Variants in BABAM2 observed in about 807,000 individuals in gnomAD.
BABAM2 encodes the protein BRISC and BRCA1 A complex member 2.
In BABAM2, 31 loss-of-function variants were observed where a neutral mutation model predicts 54.7. That is an observed-to-expected ratio of 0.57 (90% CI 0.43 to 0.77). BABAM2 has a LOEUF of 0.77. Ranked by LOEUF, BABAM2 falls within the 30% of genes least tolerant of loss-of-function variation. The probability of loss-of-function intolerance (pLI) is 0.00; values close to 1 mark genes in which losing one functional copy is unlikely to be tolerated. For missense variants in BABAM2, 364 were observed against 455.8 expected, an observed-to-expected ratio of 0.80 and a Z score of 1.83; for synonymous variants, 167 against 162.9, an observed-to-expected ratio of 1.03 and a Z score of -0.19.
chr2:28,126,771 G>A (rs538553338), intron 6 of BABAM2, among the ~76,000 whole-genome samples: 15 of 148,582 alleles, frequency 1.0e-4, no homozygotes, highest in Admixed American at 4.1e-4. Flanking sequence ...CAGTGTAAAA[G>A]TGTTCCTATT....
chr2:28,327,486 A>G (rs1000214680), intron 11 of BABAM2: 10 of 1,518,468 alleles, frequency 6.6e-6, no homozygotes, highest in Non-Finnish European at 8.0e-6. Flanking sequence ...AGCAGGAACC[A>G]GAATTCATCC....
intron 6 of BABAM2, among the ~76,000 whole-genome samples, chr2:28,047,096 T>G (rs1422593459): frequency 6.6e-6 from 1 of 152,232 alleles, no homozygotes; most frequent in Non-Finnish European, 1.5e-5. Context: ...ATTTTTGTAC[T>G]TCATTAAACT....
chr2:27,983,201 CTAA>C (rs1672148413), intron 3 of BABAM2, among the ~76,000 whole-genome samples: 1 of 152,062 alleles, frequency 6.6e-6, no homozygotes, highest in Admixed American at 6.6e-5. Flanking sequence ...AGTAGCTCTT[CTAA>C]TGAGTGTGAG....
At chr2:28,108,794 G>A (rs1041326884) in intron 6 of BABAM2, among the ~76,000 whole-genome samples, 6 of 151,834 alleles carry the variant, frequency 4.0e-5, no homozygotes, top group Non-Finnish European at 7.4e-5. Context: ...AAGTGACAAA[G>A]AATTTTCAAA....
chr2:28,077,061 G>A (rs1349697734), intron 6 of BABAM2, among the ~76,000 whole-genome samples: 3 of 152,092 alleles, frequency 2.0e-5, no homozygotes, highest in Non-Finnish European at 4.4e-5. Context: ...ATTTTTAGAG[G>A]CTGACAGGCC....
At position 28,146,070 on chromosome 2, in the gene BABAM2, A is replaced by G. The variant is rs562774778; in HGVS notation, c.680+16690A>G. Among the ~76,000 whole-genome samples, 3 of 152,340 alleles carry G rather than the reference A, an allele frequency of 2.0e-5. No individual in the cohort carries two copies. In the East Asian group the frequency reaches 5.8e-4, roughly 29 times the overall value. ...TGTTAATAAGTTTTTGTGTAAACAC[A>G]TATTTTCAAATCCCTTAGGAGAAAT... On this transcript the variant is annotated intron_variant, in intron 7 of 11. Coordinates refer to ENST00000379624, the MANE Select transcript of BABAM2 (RefSeq NM_199191.3).
chr2:27,959,392 A>T (rs546836112), intron 3 of BABAM2, among the ~76,000 whole-genome samples: 1 of 152,334 alleles, frequency 6.6e-6, no homozygotes, highest in East Asian at 1.9e-4. Context: ...ATTACTGGAT[A>T]AAAGAACAGT....
At chr2:28,216,763 G>A (rs565940944) in intron 7 of BABAM2, among the ~76,000 whole-genome samples, 1 of 152,280 alleles carries the variant, frequency 6.6e-6, no homozygotes, top group African/African-American at 2.4e-5. Flanking sequence ...AAACCCTATC[G>A]TGGATGTAGA....
intron 2 of BABAM2, among the ~76,000 whole-genome samples, chr2:27,914,827 C>T (rs1274783954): frequency 6.6e-6 from 1 of 152,006 alleles, no homozygotes; most frequent in Non-Finnish European, 1.5e-5. Context: ...TAATATTACT[C>T]TGTACAGATA....
At chr2:28,316,610 G>T (rs568963732) in intron 11 of BABAM2, among the ~76,000 whole-genome samples, 2 of 152,294 alleles carry the variant, frequency 1.3e-5, no homozygotes, top group African/African-American at 4.8e-5. Context: ...TTGGTAGAAT[G>T]AAGACAGCCT....
intron 11 of BABAM2, among the ~76,000 whole-genome samples, chr2:28,301,256 G>C (rs774204857): frequency 3.9e-5 from 6 of 152,196 alleles, no homozygotes; most frequent in Admixed American, 1.3e-4. Context: ...CCCTCCTGTA[G>C]AGCAAAATTC....
intron 4 of BABAM2, among the ~76,000 whole-genome samples, chr2:28,009,098 CA>C (rs1280716714): frequency 6.6e-5 from 10 of 152,210 alleles, no homozygotes; most frequent in Non-Finnish European, 1.5e-5. Flanking sequence ...CCTTCAATCA[CA>C]ATGAGAAAAT....
chr2:28,191,106 C>T (rs763650808), intron 7 of BABAM2, among the ~76,000 whole-genome samples: 31 of 152,174 alleles, frequency 2.0e-4, no homozygotes, highest in Non-Finnish European at 4.1e-4. Flanking sequence ...ACTGTTACAA[C>T]TTAGGAATAA....
At chr2:28,024,788 G>A (rs1248735438) in intron 4 of BABAM2, among the ~76,000 whole-genome samples, 1 of 151,978 alleles carries the variant, frequency 6.6e-6, no homozygotes, top group African/African-American at 2.4e-5. Context: ...TTTATATCTG[G>A]TATTACAGAT....
At chr2:28,010,730 G>C (rs561868589) in intron 4 of BABAM2, among the ~76,000 whole-genome samples, 9 of 152,152 alleles carry the variant, frequency 5.9e-5, no homozygotes, top group East Asian at 1.9e-4. Context: ...GACAAAGCTT[G>C]GTCCAGTGGC....
At position 28,248,345 on chromosome 2, in the gene BABAM2, G is replaced by A. The variant is rs374823714; in HGVS notation, c.934+3483G>A. ...CTGCCTCAGCCTCTCGAGTAGCTGG[G>A]ATTACAGGCATGCGCCACCATGCCT... On this transcript the variant is annotated intron_variant, in intron 10 of 11. Transcript: ENST00000379624. Among the ~76,000 whole-genome samples the A allele has an allele frequency of 4.6e-5, 7 of 151,368 alleles. No individual in the cohort carries two copies. The East Asian group carries it at 1.2e-3, about 25-fold the overall frequency.
intron 6 of BABAM2, among the ~76,000 whole-genome samples, chr2:28,089,412 T>C (rs904934512): frequency 4.6e-5 from 7 of 152,214 alleles, no homozygotes; most frequent in Admixed American, 1.3e-4. Flanking sequence ...GCTGGAGGTC[T>C]TGAGGGCAGT....
chr2:28,256,280 A>G (rs1323673578), intron 10 of BABAM2, among the ~76,000 whole-genome samples: 3 of 152,206 alleles, frequency 2.0e-5, no homozygotes, highest in Non-Finnish European at 4.4e-5. Flanking sequence ...ATTTTGAGAT[A>G]TGGGCAACAC....
At chr2:28,163,016 T>C (rs1673252881) in intron 7 of BABAM2, among the ~76,000 whole-genome samples, 1 of 152,192 alleles carries the variant, frequency 6.6e-6, no homozygotes, top group South Asian at 2.1e-4. Flanking sequence ...TAGTCCCAAT[T>C]CTGTAGAAAA....
Sources: gnomAD v4.1 joint callset for allele counts (sites outside exome capture counted in the v4.1 genomes callset) on GRCh38, gnomAD v4.1.1 for gene constraint, MANE v1.5 for transcripts, NCBI Gene and HGNC (gene_info 2026-07-23, HGNC 2026-07-21) for gene names.